RBL1: variants seen among roughly 807,000 people sequenced by gnomAD.
The protein encoded by RBL1 is RB transcriptional corepressor like 1.
In RBL1, 82 loss-of-function variants were observed where a neutral mutation model predicts 123.0. The observed-to-expected ratio is 0.67, with a 90% CI of 0.56 to 0.80. The LOEUF is 0.80. RBL1 is among the 30% of genes least tolerant of loss of function. The probability of loss-of-function intolerance (pLI) is 0.00; values close to 1 mark genes in which losing one functional copy is unlikely to be tolerated. For missense variants in RBL1, 1,171 were observed against 1,299.6 expected (o/e 0.90, Z 1.52); for synonymous variants, 405 against 441.3 (o/e 0.92, Z 1.03).
chr20:37,086,155 G>A (rs1382638373), intron 2 of RBL1, among the ~76,000 whole-genome samples: 1 of 152,128 alleles, frequency 6.6e-6, no homozygotes, highest in East Asian at 1.9e-4. Context: ...TATGAACAAT[G>A]ACAAACATTG....
At chr20:37,094,430 C>T (rs971137052) in intron 1 of RBL1, among the ~76,000 whole-genome samples, 4 of 152,144 alleles carry the variant, frequency 2.6e-5, no homozygotes, top group Non-Finnish European at 5.9e-5. Context: ...GGTACTACTC[C>T]TTCATATATA....
chr20:36,999,636 C>G (rs1369957380), intron 21 of RBL1, among the ~76,000 whole-genome samples: 3 of 151,646 alleles, frequency 2.0e-5, no homozygotes, highest in Non-Finnish European at 3.0e-5. Flanking sequence ...CGATTGCAGG[C>G]ACGCGCCGCC....
chr20:37,082,074 G>A (rs1238748878), intron 2 of RBL1: 5 of 453,622 alleles, frequency 1.1e-5, no homozygotes, highest in Non-Finnish European at 2.2e-5. Flanking sequence ...GGGGGAGCCT[G>A]CAAGGCTGGG....
intron 14 of RBL1, among the ~76,000 whole-genome samples, chr20:37,038,341 G>A (rs964559176): frequency 3.1e-5 from 4 of 130,026 alleles, no homozygotes; most frequent in East Asian, 2.2e-4. Context: ...TCGCTCTTTC[G>A]CCCAGGCTGG....
intron 19 of RBL1, among the ~76,000 whole-genome samples, chr20:37,017,670 C>T (rs1470924710): frequency 3.3e-5 from 4 of 120,984 alleles, no homozygotes; most frequent in African/African-American, 1.1e-4. Context: ...CTCACTTTGC[C>T]GCCAGGCTGG....
At chr20:37,085,647 A>ATTTTTTTT (rs1202673380) in intron 2 of RBL1, among the ~76,000 whole-genome samples, 93 of 84,604 alleles carry the variant, frequency 1.1e-3, no homozygotes, top group Non-Finnish European at 1.4e-3. Flanking sequence ...TTGAAATTTG[A>ATTTTTTTT]TTTTTTTTTT....
rs1435277932 is a variant in RBL1 at position 37,066,880 on chromosome 20, T to C, written c.690A>G (p.Leu230=). 1 of 1,613,518 alleles carries C rather than the reference T, an allele frequency of 6.2e-7. No individual in the cohort carries two copies. Among genetic ancestry groups the C allele is most frequent in the South Asian group, 1.1e-5 (1 of 90,932 alleles). ...AGTCAGCAGTATGAAAATCAGATGG[T>C]AAACCTAGTTTGACAGTGTAGGAAG... ...QDLLNPSFKG[L]PSDFHTADFT... is the part of the protein sequence containing the mutation. Residue 230 remains leucine, a synonymous_variant, in exon 6 of 22, where the codon TTA becomes TTG. Transcript: ENST00000373664.
chr20:37,002,590 C>T (rs985589446), intron 21 of RBL1, among the ~76,000 whole-genome samples: 4 of 151,010 alleles, frequency 2.6e-5, no homozygotes, highest in East Asian at 2.0e-4. Context: ...CTGCCTGCCT[C>T]GGCCTCCCAA....
At chr20:37,026,221 G>C (rs2064418813) in intron 16 of RBL1, among the ~76,000 whole-genome samples, 1 of 152,142 alleles carries the variant, frequency 6.6e-6, no homozygotes, top group Admixed American at 6.6e-5. Context: ...TAGAGGTACT[G>C]TGAAAGAAAT....
chr20:37,054,439 G>A (rs570108093), intron 11 of RBL1, among the ~76,000 whole-genome samples: 19 of 152,068 alleles, frequency 1.2e-4, no homozygotes, highest in Admixed American at 2.0e-4. Context: ...AGCCAAGATC[G>A]CGCCACTGCA....
intron 16 of RBL1, among the ~76,000 whole-genome samples, chr20:37,029,825 C>T (rs1168484695): frequency 1.2e-4 from 18 of 152,142 alleles, no homozygotes; most frequent in Admixed American, 1.1e-3. Flanking sequence ...GACAATTCTA[C>T]TTACTTATTA....
rs1323690108 is a variant in RBL1 at position 37,062,210 on chromosome 20, C to T, written c.957G>A (p.Arg319=). ...CTTCTGCGTCTGCTCCCAAAAAGAT[C>T]CTCTCATCAAAATCACCAACAGTTA... is the stretch of plus-strand genomic sequence containing the variant. ...YVLTVGDFDE[R]IFLGADAEEE... is the part of the protein sequence containing the mutation. Residue 319 remains arginine (R), a synonymous_variant, in exon 8 of 22, where the codon AGG becomes AGA. Transcript: ENST00000373664. 1 of 1,614,052 alleles carries T rather than the reference C, an allele frequency of 6.2e-7. No individual in the cohort carries two copies. The highest frequency in any genetic ancestry group is 8.5e-7 in the Non-Finnish European group (1 of 1,180,028).
At chr20:37,075,333 T>G (rs910741610) in intron 2 of RBL1, among the ~76,000 whole-genome samples, 4 of 152,110 alleles carry the variant, frequency 2.6e-5, no homozygotes, top group Non-Finnish European at 4.4e-5. Flanking sequence ...ACTGTACAGT[T>G]TAAAGGATGA....
chr20:37,008,470 CAT>C (rs1477410947), intron 19 of RBL1, among the ~76,000 whole-genome samples: 1 of 152,208 alleles, frequency 6.6e-6, no homozygotes, highest in Non-Finnish European at 1.5e-5. Flanking sequence ...CTTACCCCAA[CAT>C]AGTTTCCTAC....
chr20:37,068,127 T>C lies in RBL1; in HGVS notation c.350A>G (p.Glu117Gly). ...TAGCCTTTCTATACGTTCACGAAAT[T>C]CTTGTGGTAGATTTGACATGTCCAT... ...KWMDMSNLPQ[E>G]FRERIERLER... is the part of the protein sequence containing the mutation. The change falls in exon 3 of 22, where the codon GAA (glutamate) becomes GGA (glycine). Residue 117 changes from glutamate (E) to glycine (G), a missense_variant. Physicochemically the swap from Glu to Gly is moderately conservative, Grantham distance 98 (BLOSUM62 -2). Coordinates refer to ENST00000373664, the MANE Select transcript of RBL1 (RefSeq NM_002895.5). 1.2e-6 allele frequency: 2 copies of C among 1,612,794 alleles called. No homozygotes were observed. Among genetic ancestry groups the C allele is most frequent in the East Asian group, 2.2e-5 (1 of 44,834 alleles).
chr20:37,026,006 G>A (rs1395297817), intron 16 of RBL1, among the ~76,000 whole-genome samples: 1 of 152,110 alleles, frequency 6.6e-6, no homozygotes. Context: ...GCCTCCCAAA[G>A]TGCTAGGATT....
intron 12 of RBL1, among the ~76,000 whole-genome samples, chr20:37,045,586 C>T (rs937928921): frequency 1.3e-5 from 2 of 151,328 alleles, no homozygotes; most frequent in Non-Finnish European, 2.9e-5. Context: ...AACCGAGTCT[C>T]TATTGAAAAA....
At chr20:37,054,347 T>C (rs530247970) in intron 11 of RBL1, among the ~76,000 whole-genome samples, 10 of 151,638 alleles carry the variant, frequency 6.6e-5, no homozygotes, top group Non-Finnish European at 1.3e-4. Flanking sequence ...TAGCTGGGTG[T>C]GGTGGCAGGC....
At chr20:37,095,725 G>A in intron 1 of RBL1, 48 bp downstream of exon 1, 2 of 1,505,990 alleles carry the variant, frequency 1.3e-6, no homozygotes, top group African/African-American at 1.4e-5. Context: ...GGGCAGGGGT[G>A]GGGCCTGGCG....
Sources: gnomAD v4.1 joint callset for allele counts (sites outside exome capture counted in the v4.1 genomes callset) on GRCh38, gnomAD v4.1.1 for gene constraint, MANE v1.5 for transcripts, NCBI Gene and HGNC (gene_info 2026-07-23, HGNC 2026-07-21) for gene names.